The following RHBDL2 variants were observed in gnomAD, a reference collection of about 807,000 sequenced individuals.
RHBDL2 encodes rhomboid-related protein 2.
RHBDL2 carries 26 observed loss-of-function variants against 31.7 expected under a neutral mutation model. That is an observed-to-expected ratio of 0.82 (90% CI 0.60 to 1.14). RHBDL2 has a LOEUF of 1.14. Among genes scored for constraint, RHBDL2 ranks in the 50% most tolerant of loss-of-function variants. The pLI is 0.00. For synonymous variants in RHBDL2, 123 were observed against 127.2 expected (o/e 0.97, Z 0.22); for missense variants, 336 against 364.4 (o/e 0.92, Z 0.63).
chr1:38,925,296 G>C (rs908937610), intron 1 of RHBDL2, among the ~76,000 whole-genome samples: 1 of 150,900 alleles, frequency 6.6e-6, no homozygotes, highest in African/African-American at 2.4e-5. Context: ...TCAGGCGTTC[G>C]AGACCAGCCT....
chr1:38,926,314 G>T lies in RHBDL2; in HGVS notation c.-125-6977C>A, dbSNP rs1047865. On this transcript the variant is annotated intron_variant, in intron 1 of 7. Coordinates refer to ENST00000372990, the MANE Select transcript of RHBDL2 (RefSeq NM_017821.5). ...CAACGCCAGCTGTGGCTGTGACAAA[G>T]GCAGCAGCACTGGGCGTTCAGCAGC... The T allele has an allele frequency of 9.0e-5, 57 of 631,952 alleles. 1 individual carries two copies. The East Asian group carries it at 5.1e-3, about 56-fold the overall frequency. The allele number at this position is 631,952 out of a possible 1,614,324, so 39.1% of individuals were successfully genotyped here. A position where few individuals can be genotyped will look rare whatever the true frequency, so the allele number is the denominator to read the frequency against.
chr1:38,929,282 TG>T, intron 1 of RHBDL2: 1 of 650,914 alleles, frequency 1.5e-6, no homozygotes, highest in Non-Finnish European at 2.3e-6. Flanking sequence ...AAGATGGGGC[TG>T]GGAATTCCCA....
At chr1:38,902,422 TTA>T (rs1176046518) in intron 4 of RHBDL2, among the ~76,000 whole-genome samples, 25 of 59,256 alleles carry the variant, frequency 4.2e-4, no homozygotes, top group African/African-American at 1.5e-3. Context: ...ATTTTTTTTA[TTA>T]TTTTTTTTTT....
At chr1:38,931,767 A>G (rs1232082329) in intron 1 of RHBDL2, among the ~76,000 whole-genome samples, 1 of 152,228 alleles carries the variant, frequency 6.6e-6, no homozygotes, top group East Asian at 1.9e-4. Flanking sequence ...TCACTGGGGA[A>G]TAAAGACCTA....
rs765064879 is a variant in RHBDL2, at chr1:38,910,753, C to CT, written c.508+568dup. ...ACTTGCAGTTTTCTTTATTCCTTTT[C>CT]TTTTTTTTTTTTTTTTTTTTGTTTG... On this transcript the variant is annotated intron_variant, in intron 4 of 7. Transcript: ENST00000372990. Among the ~76,000 whole-genome samples, 240 of 111,040 alleles carry CT rather than the reference C, an allele frequency of 2.2e-3. 1 individual carries two copies. Among genetic ancestry groups the CT allele is most frequent in the East Asian group, 3.8e-3 (15 of 3,984 alleles). The allele number at this position is 111,040 out of a possible 152,430, so 72.8% of individuals were successfully genotyped here.
intron 5 of RHBDL2, among the ~76,000 whole-genome samples, chr1:38,894,792 C>T (rs1459210859): frequency 1.4e-5 from 2 of 147,828 alleles, no homozygotes; most frequent in Non-Finnish European, 3.0e-5. Flanking sequence ...CTGCAACCTC[C>T]GCCTTCCAGG....
chr1:38,914,201 T>A (rs1643197706), intron 3 of RHBDL2, among the ~76,000 whole-genome samples: 1 of 152,042 alleles, frequency 6.6e-6, no homozygotes, highest in African/African-American at 2.4e-5. Context: ...TCCAGATGGA[T>A]AACAGTATCC....
intron 1 of RHBDL2, among the ~76,000 whole-genome samples, chr1:38,940,833 T>C (rs1376120647): frequency 6.6e-6 from 1 of 151,992 alleles, no homozygotes; most frequent in Non-Finnish European, 1.5e-5. Context: ...GAGTTTGAAG[T>C]TGTAGTAAGC....
chr1:38,905,102 G>C (rs1373486092), intron 4 of RHBDL2, among the ~76,000 whole-genome samples: 2 of 145,444 alleles, frequency 1.4e-5, no homozygotes, highest in Non-Finnish European at 3.0e-5. Flanking sequence ...AAGATATTAA[G>C]AGAATAAGGC....
intron 3 of RHBDL2, chr1:38,913,659 G>A (rs540213598): frequency 2.6e-5 from 4 of 151,948 alleles, no homozygotes; most frequent in Non-Finnish European, 5.9e-5. Flanking sequence ...GCTACAAGTC[G>A]TTTTCAAGTC....
At chr1:38,925,056 T>A (rs1643359657) in intron 1 of RHBDL2, among the ~76,000 whole-genome samples, 1 of 151,902 alleles carries the variant, frequency 6.6e-6, no homozygotes, top group South Asian at 2.1e-4. Context: ...GCTGGGATTA[T>A]AGGCTTAAAC....
chr1:38,890,798 C>T (rs983404026), intron 6 of RHBDL2, among the ~76,000 whole-genome samples: 1 of 151,776 alleles, frequency 6.6e-6, no homozygotes, highest in East Asian at 1.9e-4. Flanking sequence ...CTCCCAGGCT[C>T]AAGCGAATTC....
chr1:38,897,927 T>C (rs913248328), intron 4 of RHBDL2, among the ~76,000 whole-genome samples: 23 of 152,066 alleles, frequency 1.5e-4, no homozygotes, highest in South Asian at 4.1e-4. Context: ...GCTCAGGAGT[T>C]CGAGACCAGC....
chr1:38,935,992 A>G (rs570836669), intron 1 of RHBDL2, among the ~76,000 whole-genome samples: 2 of 152,018 alleles, frequency 1.3e-5, no homozygotes, highest in Admixed American at 6.6e-5. Flanking sequence ...AACTCACTGA[A>G]GCCTCGACCT....
rs1643563630 is a variant in RHBDL2 at position 38,941,808 on chromosome 1, C to T, written c.-252G>A. On this transcript the variant is annotated 5_prime_UTR_variant, in exon 1 of 8. Transcript: ENST00000372990. ...CTGCCAGGCGCTCCTCCGTCCCTCC[C>T]CAAACAAAAATCCTCCAGACAGGTT... is the stretch of plus-strand genomic sequence containing the variant. The T allele has an allele frequency of 1.3e-5, 2 of 152,542 alleles. No homozygotes were observed. Among genetic ancestry groups the T allele is most frequent in the Non-Finnish European group, 2.9e-5 (2 of 68,320 alleles). 9.4% of individuals were successfully genotyped at this position (152,542 alleles called of 1,614,324 possible). A position where few individuals can be genotyped will look rare whatever the true frequency, so the allele number is the denominator to read the frequency against.
intron 1 of RHBDL2, 153 bp from the exon 2 acceptor site, chr1:38,919,490 CAGATA>C (rs1643281753): frequency 2.1e-6 from 1 of 481,980 alleles, no homozygotes; most frequent in Admixed American, 4.1e-5. Flanking sequence ...AAGTTAACAT[CAGATA>C]AATCACTTAA....
chr1:38,941,069 C>A (rs1398907519), intron 1 of RHBDL2, among the ~76,000 whole-genome samples: 2 of 152,168 alleles, frequency 1.3e-5, no homozygotes, highest in African/African-American at 4.8e-5. Context: ...TTCTTATTCC[C>A]AAGAGGAGCA....
intron 1 of RHBDL2, among the ~76,000 whole-genome samples, chr1:38,936,201 C>G (rs979849799): frequency 6.6e-6 from 1 of 152,156 alleles, no homozygotes; most frequent in Non-Finnish European, 1.5e-5. Flanking sequence ...CTGTGCCCAG[C>G]CTAAACAAAT....
intron 6 of RHBDL2, among the ~76,000 whole-genome samples, chr1:38,892,901 C>T (rs1267100009): frequency 3.9e-5 from 6 of 152,224 alleles, no homozygotes; most frequent in Non-Finnish European, 5.9e-5. Flanking sequence ...AAGACTAGTT[C>T]TCCCCACTAC....
Sources: allele counts gnomAD v4.1 joint callset (sites outside exome capture counted in the v4.1 genomes callset), GRCh38; gene constraint gnomAD v4.1.1; transcripts MANE v1.5; gene names NCBI Gene and HGNC (gene_info 2026-07-23, HGNC 2026-07-21).